GRXCR1: variants seen among roughly 807,000 people sequenced by gnomAD.
The protein encoded by GRXCR1 is glutaredoxin domain-containing cysteine-rich protein 1.
Under a neutral mutation model 27.3 loss-of-function variants are expected in GRXCR1, and 27 were observed. The ratio of observed to expected loss-of-function variants is 0.99; its 90% CI spans 0.73 to 1.37. The LOEUF is 1.37. GRXCR1 is among the 40% of genes most tolerant of loss of function. GRXCR1 has a pLI of 0.00. For synonymous variants in GRXCR1, 122 were observed against 131.1 expected, an observed-to-expected ratio of 0.93 and a Z score of 0.47; for missense variants, 379 against 354.4, an observed-to-expected ratio of 1.07 and a Z score of -0.56.
At chr4:42,943,691 T>TAA (rs1747676339) in intron 1 of GRXCR1, among the ~76,000 whole-genome samples, 2 of 152,222 alleles carry the variant, frequency 1.3e-5, no homozygotes, top group African/African-American at 4.8e-5. Flanking sequence ...TAGAGGTACA[T>TAA]ATTTATCACT....
At chr4:42,906,003 G>A (rs1269365244) in intron 1 of GRXCR1, among the ~76,000 whole-genome samples, 1 of 152,178 alleles carries the variant, frequency 6.6e-6, no homozygotes, top group Admixed American at 6.5e-5. Context: ...AATGACAAAA[G>A]CGTTTTATAG....
intron 2 of GRXCR1, among the ~76,000 whole-genome samples, chr4:43,016,593 C>G (rs1005118158): frequency 4.0e-5 from 6 of 151,818 alleles, no homozygotes; most frequent in Non-Finnish European, 7.4e-5. Context: ...CTGTCTCCCC[C>G]AAAAGTACAT....
intron 3 of GRXCR1, among the ~76,000 whole-genome samples, chr4:43,024,356 G>C (rs948806554): frequency 1.3e-5 from 2 of 152,018 alleles, no homozygotes; most frequent in Admixed American, 1.3e-4. Context: ...CAAGGTATTG[G>C]AGCTGTCAGA....
intron 1 of GRXCR1, among the ~76,000 whole-genome samples, chr4:42,901,635 T>C (rs1445044728): frequency 5.3e-5 from 8 of 152,330 alleles, no homozygotes; most frequent in African/African-American, 1.9e-4. Flanking sequence ...TAAAGAAATA[T>C]ATTCATAGAT....
intron 2 of GRXCR1, among the ~76,000 whole-genome samples, chr4:42,991,146 C>A (rs1296452837): frequency 6.6e-6 from 1 of 151,976 alleles, no homozygotes; most frequent in Non-Finnish European, 1.5e-5. Flanking sequence ...TCACAGCTGC[C>A]AGTATTTTAT....
intron 2 of GRXCR1, among the ~76,000 whole-genome samples, chr4:42,983,838 CTTT>C (rs201795629): frequency 1.4e-4 from 19 of 135,952 alleles, no homozygotes; most frequent in Non-Finnish European, 2.4e-4. Flanking sequence ...GATTTTCTTT[CTTT>C]TTTTTTTTTT....
At chr4:42,987,692 T>C (rs919242606) in intron 2 of GRXCR1, among the ~76,000 whole-genome samples, 1 of 152,210 alleles carries the variant, frequency 6.6e-6, no homozygotes. Context: ...CATATAACCA[T>C]GTTGGATTTC....
At chr4:42,906,069 T>C (rs776171308) in intron 1 of GRXCR1, among the ~76,000 whole-genome samples, 3 of 151,632 alleles carry the variant, frequency 2.0e-5, no homozygotes, top group Admixed American at 6.6e-5. Flanking sequence ...AGGATTTTAA[T>C]CTTTCTATTT....
Position 42,930,247 on chromosome 4 carries a change from A to C in GRXCR1, c.385-32645A>C, listed in dbSNP as rs548275026. On this transcript the variant is annotated intron_variant, in intron 1 of 3. Transcript: ENST00000399770. ...CAGCAGAAGCACCAAGTTAATACTT[A>C]TTATTAGGCAACATTGTGCTAAAAT... 8.5e-5 allele frequency among the ~76,000 whole-genome samples: 13 copies of C among 152,162 alleles called. No homozygotes were observed. The South Asian group carries it at 1.0e-3, about 12-fold the overall frequency.
intron 1 of GRXCR1, among the ~76,000 whole-genome samples, chr4:42,912,020 A>G (rs1746731708): frequency 6.6e-6 from 1 of 152,156 alleles, no homozygotes; most frequent in Non-Finnish European, 1.5e-5. Context: ...TCAAAAAGTG[A>G]GCCAGTAACA....
chr4:42,907,542 T>C (rs546807755), intron 1 of GRXCR1, among the ~76,000 whole-genome samples: 1 of 152,248 alleles, frequency 6.6e-6, no homozygotes, highest in East Asian at 1.9e-4. Flanking sequence ...GCTCTGAGCA[T>C]TATGTCCTTC....
intron 2 of GRXCR1, among the ~76,000 whole-genome samples, chr4:42,974,000 A>G (rs1178023116): frequency 6.6e-6 from 1 of 152,164 alleles, no homozygotes; most frequent in African/African-American, 2.4e-5. Flanking sequence ...AATGTACCAA[A>G]GTGCATGCTA....
intron 2 of GRXCR1, among the ~76,000 whole-genome samples, chr4:42,984,805 A>G (rs1711649569): frequency 6.6e-6 from 1 of 152,158 alleles, no homozygotes; most frequent in Non-Finnish European, 1.5e-5. Flanking sequence ...AGTTGGCCTG[A>G]CAGTGGTGTG....
At chr4:42,902,930 A>G (rs1040222823) in intron 1 of GRXCR1, among the ~76,000 whole-genome samples, 17 of 152,184 alleles carry the variant, frequency 1.1e-4, no homozygotes, top group African/African-American at 3.6e-4. Flanking sequence ...ATTTGTCCCC[A>G]AGGGGTCATC....
chr4:42,920,438 G>A lies in GRXCR1; in HGVS notation c.384+26788G>A, dbSNP rs376732349. Among the ~76,000 whole-genome samples the A allele has an allele frequency of 4.3e-4, 65 of 152,268 alleles. 2 individuals are homozygous for A. In the South Asian group the frequency reaches 9.7e-3, roughly 23 times the overall value. ...CAGGAAGAATGGTATTCAAAGCCAA[G>A]TATGAAATAACGATATATAAGTTGA... is the stretch of plus-strand genomic sequence containing the variant. On this transcript the variant is annotated intron_variant, in intron 1 of 3. Coordinates refer to ENST00000399770, the MANE Select transcript of GRXCR1 (RefSeq NM_001080476.3).
intron 1 of GRXCR1, among the ~76,000 whole-genome samples, chr4:42,921,726 C>T (rs13102083): frequency 0.13 from 19,028 of 152,076 alleles, 1,530 homozygotes; most frequent in Non-Finnish European, 0.17. Context: ...TCTTAAATTC[C>T]ATAATGATAC....
intron 2 of GRXCR1, among the ~76,000 whole-genome samples, chr4:43,012,515 T>C (rs1274350798): frequency 6.6e-6 from 1 of 152,188 alleles, no homozygotes; most frequent in Non-Finnish European, 1.5e-5. Flanking sequence ...GAAATGTTTG[T>C]GTGCTTGACA....
At chr4:43,022,729 A>G (rs1267177827) in intron 3 of GRXCR1, among the ~76,000 whole-genome samples, 4 of 152,188 alleles carry the variant, frequency 2.6e-5, no homozygotes, top group African/African-American at 4.8e-5. Flanking sequence ...GAGCCATGCA[A>G]AGAGGATAAG....
chr4:43,019,109 C>A (rs1217791501), intron 2 of GRXCR1, among the ~76,000 whole-genome samples: 1 of 152,036 alleles, frequency 6.6e-6, no homozygotes, highest in East Asian at 1.9e-4. Flanking sequence ...ATTTTAGAAA[C>A]CTCATCCAGT....
Sources: allele counts gnomAD v4.1 joint callset (sites outside exome capture counted in the v4.1 genomes callset), GRCh38; gene constraint gnomAD v4.1.1; transcripts MANE v1.5; gene names NCBI Gene and HGNC (gene_info 2026-07-23, HGNC 2026-07-21).